GNB1L: variants seen among roughly 807,000 people sequenced by gnomAD.
GNB1L encodes the protein guanine nucleotide-binding protein subunit beta-like protein 1.
A neutral mutation model predicts 29.1 loss-of-function variants in GNB1L; 20 were observed. The observed-to-expected ratio is 0.69, with a 90% CI of 0.48 to 1.00. GNB1L has a LOEUF of 1.00. Ranked by LOEUF, GNB1L falls within the 50% of genes least tolerant of loss-of-function variation. The probability of loss-of-function intolerance (pLI) is 0.00; values close to 1 mark genes in which losing one functional copy is unlikely to be tolerated. For missense variants in GNB1L, 421 were observed against 464.9 expected (o/e 0.91, Z 0.87); for synonymous variants, 193 against 206.5 (o/e 0.93, Z 0.56).
At chr22:19,821,759 ACT>A (rs1937581363) in intron 2 of GNB1L, among the ~76,000 whole-genome samples, 1 of 151,884 alleles carries the variant, frequency 6.6e-6, no homozygotes, top group African/African-American at 2.4e-5. Context: ...TTCCTCGGCC[ACT>A]CTGGCCTCCA....
In GNB1L at chr22:19,788,475, C is replaced by G. The variant is rs565298668; in HGVS notation, c.*234G>C. On this transcript the variant is annotated 3_prime_UTR_variant, in exon 8 of 8. Transcript: ENST00000329517. ...TGGCAACACAGCAGGCCCAAGCCAA[C>G]GTCTCCTGCAGGCCTCGGACGGCCA... The G allele has an allele frequency of 8.5e-4, 537 of 628,322 alleles. 1 individual carries two copies. In the African/African-American group the frequency reaches 8.8e-3, roughly 10 times the overall value. The allele number at this position is 628,322 out of a possible 1,614,324, so 38.9% of individuals were successfully genotyped here.
At chr22:19,818,755 G>A (rs910910835) in intron 4 of GNB1L, among the ~76,000 whole-genome samples, 24 of 152,280 alleles carry the variant, frequency 1.6e-4, no homozygotes, top group Admixed American at 5.9e-4. Context: ...TGAATATGAC[G>A]CAAGGCAAAT....
chr22:19,797,768 C>T (rs1937323290), intron 7 of GNB1L, among the ~76,000 whole-genome samples: 1 of 152,360 alleles, frequency 6.6e-6, no homozygotes, highest in East Asian at 1.9e-4. Flanking sequence ...AGCCCATCAT[C>T]CTGCCCTTTC....
chr22:19,847,278 G>A lies in GNB1L; in HGVS notation c.-21+7165C>T, dbSNP rs1001156203. ...CAGTGCCAACTGTAGCCGCTGCGCTGTTGGAGATCTTTGTTACTGCAGCAC... is the reference window on the plus strand; with the variant it reads ...CAGTGCCAACTGTAGCCGCTGCGCTATTGGAGATCTTTGTTACTGCAGCAC... On this transcript the variant is annotated intron_variant, in intron 2 of 7. Coordinates refer to ENST00000329517, the MANE Select transcript of GNB1L (RefSeq NM_053004.3). 2.4e-5 allele frequency: 24 copies of A among 984,886 alleles called. No homozygotes were observed. The African/African-American group carries it at 3.7e-4, about 15-fold the overall frequency. The allele number at this position is 984,886 out of a possible 1,614,324, so 61.0% of individuals were successfully genotyped here. A position where few individuals can be genotyped will look rare whatever the true frequency, so the allele number is the denominator to read the frequency against.
At chr22:19,791,242 C>G (rs1008639448) in intron 7 of GNB1L, among the ~76,000 whole-genome samples, 1 of 152,140 alleles carries the variant, frequency 6.6e-6, no homozygotes, top group Non-Finnish European at 1.5e-5. Context: ...TCCCCACCCC[C>G]CAAAATAACT....
At chr22:19,849,460 C>T (rs1230779275) in intron 2 of GNB1L, 7 of 328,366 alleles carry the variant, frequency 2.1e-5, no homozygotes, top group Admixed American at 6.5e-5. Context: ...CCTCTGCCTC[C>T]TGGGTTCAAG....
At chr22:19,848,403 TC>T in intron 2 of GNB1L, 1 of 985,328 alleles carries the variant, frequency 1.0e-6, no homozygotes, top group Non-Finnish European at 1.2e-6. Flanking sequence ...AATGCCTCCT[TC>T]CCCCAGCAGG....
At chr22:19,811,898 C>T (rs1298861882) in intron 5 of GNB1L, among the ~76,000 whole-genome samples, 4 of 152,152 alleles carry the variant, frequency 2.6e-5, no homozygotes, top group Non-Finnish European at 5.9e-5. Flanking sequence ...CCGGAGCGTT[C>T]CTCCCACTTG....
chr22:19,822,561 G>A (rs1385814035), intron 2 of GNB1L, among the ~76,000 whole-genome samples: 1 of 152,154 alleles, frequency 6.6e-6, no homozygotes, highest in African/African-American at 2.4e-5. Flanking sequence ...AAGGCCAGGA[G>A]CAGACCACTG....
intron 2 of GNB1L, among the ~76,000 whole-genome samples, chr22:19,830,140 C>T (rs1937659449): frequency 6.6e-6 from 1 of 152,056 alleles, no homozygotes; most frequent in Non-Finnish European, 1.5e-5. Flanking sequence ...TTTGAGGCTA[C>T]AGTGTACTAT....
rs1423454255 is a variant in GNB1L, at chr22:19,821,251, CT to C, written c.104del (p.Gln35ArgfsTer37). ...ACCCTGAGAAGAGGAGCGGGCGCCC[CT>C]GAGCCTGGGCTCCTTCGCAGAAGTG... ...ALHFCEGAQAQGRPLLFSGSQ... is the reference protein window; with the variant it reads ...ALHFCEGAQAXGRPLLFSGSQ... On this transcript the variant is annotated frameshift_variant, in exon 3 of 8. Coordinates refer to ENST00000329517, the MANE Select transcript of GNB1L (RefSeq NM_053004.3). LOFTEE classifies it high-confidence loss of function. 1.2e-6 allele frequency: 2 copies of C among 1,612,304 alleles called. No individual in the cohort carries two copies. Among genetic ancestry groups the C allele is most frequent in the Non-Finnish European group, 1.7e-6 (2 of 1,179,120 alleles).
chr22:19,798,032 C>T (rs1937327247), intron 7 of GNB1L, among the ~76,000 whole-genome samples: 1 of 152,218 alleles, frequency 6.6e-6, no homozygotes, highest in African/African-American at 2.4e-5. Flanking sequence ...TGGTTGGCAA[C>T]CGCAAGCCCA....
At chr22:19,847,675 A>G in intron 2 of GNB1L, 3 of 984,632 alleles carry the variant, frequency 3.0e-6, no homozygotes, top group Non-Finnish European at 3.6e-6. Flanking sequence ...CACAGCATGC[A>G]TGTGCCTAGA....
chr22:19,818,937 G>A (rs953549716), intron 4 of GNB1L, among the ~76,000 whole-genome samples: 6 of 152,164 alleles, frequency 3.9e-5, no homozygotes, highest in Non-Finnish European at 5.9e-5. Context: ...ACCATGCCCT[G>A]TCCCTCCCAC....
chr22:19,786,382 CA>C lies in GNB1L; in HGVS notation c.*2326del, dbSNP rs1200200392. 1.3e-5 allele frequency: 2 copies of C among 152,272 alleles called. No individual in the cohort carries two copies. The highest frequency in any genetic ancestry group is 6.5e-5 in the Admixed American group (1 of 15,290). 9.4% of individuals were successfully genotyped at this position (152,272 alleles called of 1,614,324 possible). A position where few individuals can be genotyped will look rare whatever the true frequency, so the allele number is the denominator to read the frequency against. ...TGCCTTTGACTGAAAGCACGAGGGCCAGGGGCCAACTCAGGGTCTGTACACC... is the reference window on the plus strand; with the variant it reads ...TGCCTTTGACTGAAAGCACGAGGGCCGGGGCCAACTCAGGGTCTGTACACC... On this transcript the variant is annotated 3_prime_UTR_variant, in exon 8 of 8. Transcript: ENST00000329517.
intron 7 of GNB1L, among the ~76,000 whole-genome samples, chr22:19,795,917 C>T (rs1937301144): frequency 6.6e-6 from 1 of 152,094 alleles, no homozygotes. Context: ...AAAGGATGCG[C>T]TTTTTGGCTT....
At chr22:19,792,688 G>A in intron 7 of GNB1L, 12 of 1,458,602 alleles carry the variant, frequency 8.2e-6, no homozygotes, top group Non-Finnish European at 1.1e-5. Context: ...CCCACCAAGA[G>A]ACCACCTGTC....
intron 3 of GNB1L, 101 bp from the exon 4 acceptor site, chr22:19,820,824 C>T: frequency 7.2e-7 from 1 of 1,381,438 alleles, no homozygotes; most frequent in East Asian, 2.3e-5. Context: ...GGCATCTAGG[C>T]TGGTTGAGCT....
intron 2 of GNB1L, among the ~76,000 whole-genome samples, chr22:19,823,149 G>A (rs529528011): frequency 3.7e-4 from 56 of 152,358 alleles, no homozygotes; most frequent in African/African-American, 1.3e-3. Flanking sequence ...AAGACAATGC[G>A]GAGTTCCCTG....
Sources: allele counts gnomAD v4.1 joint callset (sites outside exome capture counted in the v4.1 genomes callset), GRCh38; gene constraint gnomAD v4.1.1; transcripts MANE v1.5; gene names NCBI Gene and HGNC (gene_info 2026-07-23, HGNC 2026-07-21).